Variants in PRKN observed in about 807,000 individuals in gnomAD.
PRKN encodes parkin RBR E3 ubiquitin protein ligase.
PRKN carries 56 observed loss-of-function variants against 59.5 expected under a neutral mutation model. That is an observed-to-expected ratio of 0.94 (90% CI 0.76 to 1.18). PRKN has a LOEUF of 1.18. Among genes scored for constraint, PRKN ranks in the 50% most tolerant of loss-of-function variants. The pLI is 0.00. For synonymous variants in PRKN, 250 were observed against 222.1 expected, an observed-to-expected ratio of 1.13 and a Z score of -1.12; for missense variants, 657 against 596.4, an observed-to-expected ratio of 1.10 and a Z score of -1.06.
At chr6:162,094,603 G>T (rs1425289204) in intron 4 of PRKN, among the ~76,000 whole-genome samples, 1 of 152,102 alleles carries the variant, frequency 6.6e-6, no homozygotes, top group Non-Finnish European at 1.5e-5. Flanking sequence ...GAAGGACTTT[G>T]AATGTTTCTC....
At chr6:161,540,054 G>GAT (rs1315542793) in intron 9 of PRKN, among the ~76,000 whole-genome samples, 2 of 152,126 alleles carry the variant, frequency 1.3e-5, no homozygotes, top group Non-Finnish European at 2.9e-5. Flanking sequence ...GGGTTGGGGA[G>GAT]ATGCAAGCTG....
chr6:162,508,039 C>A (rs564003831), intron 1 of PRKN, among the ~76,000 whole-genome samples: 22 of 152,260 alleles, frequency 1.4e-4, no homozygotes, highest in African/African-American at 5.3e-4. Flanking sequence ...CAAGACTGGG[C>A]AATTTACAAA....
rs79538086 is a variant in PRKN, at chr6:161,429,569, T to C, written c.1084-42692A>G. Among the ~76,000 whole-genome samples the C allele has an allele frequency of 5.9e-3, 900 of 152,254 alleles. 15 individuals carry two copies. In the East Asian group the frequency reaches 0.061, roughly 10 times the overall value. On this transcript the variant is annotated intron_variant, in intron 9 of 11. Coordinates refer to ENST00000366898, the MANE Select transcript of PRKN (RefSeq NM_004562.3). This position sits in a 1 kb window ranked among gnomAD's most constrained non-coding sequence, Gnocchi z 4.2. ...CCAGAGCTCAGAAAACATTCTGAGA[T>C]GGAACTAGAAGAACCTGGATGTGAA...
At chr6:161,735,522 A>C (rs1208544762) in intron 7 of PRKN, among the ~76,000 whole-genome samples, 1 of 152,176 alleles carries the variant, frequency 6.6e-6, no homozygotes, top group Non-Finnish European at 1.5e-5. Context: ...TTAGTTGTTA[A>C]GTTTTTTGGA....
At chr6:161,425,009 TTAAG>T (rs1379562497) in intron 9 of PRKN, among the ~76,000 whole-genome samples, 2 of 152,186 alleles carry the variant, frequency 1.3e-5, no homozygotes, top group East Asian at 3.9e-4. Flanking sequence ...TAGGCCCACA[TTAAG>T]TAAGTGATGC....
intron 4 of PRKN, among the ~76,000 whole-genome samples, chr6:162,175,392 C>T (rs998371901): frequency 5.3e-5 from 8 of 152,184 alleles, no homozygotes; most frequent in African/African-American, 1.7e-4. Flanking sequence ...AACACTGGTC[C>T]GGTACATAGC....
chr6:162,099,543 A>C (rs1286793550), intron 4 of PRKN, among the ~76,000 whole-genome samples: 5 of 152,310 alleles, frequency 3.3e-5, no homozygotes, highest in East Asian at 1.9e-4. Flanking sequence ...TAAAAGAGGC[A>C]ACAGGATAAT....
At chr6:162,244,971 G>C (rs533685220) in intron 3 of PRKN, among the ~76,000 whole-genome samples, 1 of 152,072 alleles carries the variant, frequency 6.6e-6, no homozygotes, top group East Asian at 1.9e-4. Flanking sequence ...CAAACTGTTA[G>C]AAGAAAGGGA....
chr6:161,978,865 G>A (rs894044670), intron 5 of PRKN, among the ~76,000 whole-genome samples: 1 of 152,238 alleles, frequency 6.6e-6, no homozygotes. Context: ...GGGAAGCAGA[G>A]TATTCTGGGG....
Position 162,169,939 on chromosome 6 carries a change from C to T in PRKN, c.534+31192G>A, listed in dbSNP as rs556300556. Among the ~76,000 whole-genome samples the T allele has an allele frequency of 2.6e-5, 4 of 152,176 alleles. No homozygotes were observed. The South Asian group carries it at 8.3e-4, about 32-fold the overall frequency. On this transcript the variant is annotated intron_variant, in intron 4 of 11. Transcript: ENST00000366898. The stretch of plus-strand genomic sequence containing the variant: ...ATTCTGATACTAGAGAGCAGTTAAA[C>T]GTGATGGGGGAAGAAAGCGACGATC...
chr6:161,962,875 T>C (rs1024066152), intron 6 of PRKN, among the ~76,000 whole-genome samples: 3 of 151,602 alleles, frequency 2.0e-5, no homozygotes, highest in Non-Finnish European at 4.4e-5. Context: ...CCAGGCATGG[T>C]GGCTCACACC....
At chr6:161,809,879 C>T (rs964374138) in intron 6 of PRKN, among the ~76,000 whole-genome samples, 4 of 152,130 alleles carry the variant, frequency 2.6e-5, no homozygotes, top group African/African-American at 4.8e-5. Context: ...AACAAGTGTG[C>T]CTGTTTCTGC....
chr6:162,458,993 G>C (rs1562780622), intron 1 of PRKN, among the ~76,000 whole-genome samples: 1 of 151,826 alleles, frequency 6.6e-6, no homozygotes, highest in African/African-American at 2.4e-5. Context: ...GCTAATTTTT[G>C]TTTTTTTAGT....
intron 7 of PRKN, among the ~76,000 whole-genome samples, chr6:161,609,680 C>G (rs1459118560): frequency 1.3e-5 from 2 of 152,076 alleles, no homozygotes; most frequent in Non-Finnish European, 2.9e-5. Flanking sequence ...CCTATTCCAC[C>G]AAAACCAAAA....
chr6:162,192,192 A>G (rs1368269710), intron 4 of PRKN, among the ~76,000 whole-genome samples: 4 of 152,180 alleles, frequency 2.6e-5, no homozygotes, highest in African/African-American at 4.8e-5. Flanking sequence ...ATAAGATTGT[A>G]GATCACTTAA....
At chr6:162,212,757 A>G (rs753757348) in intron 3 of PRKN, among the ~76,000 whole-genome samples, 2 of 152,216 alleles carry the variant, frequency 1.3e-5, no homozygotes, top group Non-Finnish European at 2.9e-5. Context: ...CCTAGTACAC[A>G]GCTGGGCCCT....
chr6:162,026,177 T>C (rs1783427633), intron 5 of PRKN, among the ~76,000 whole-genome samples: 1 of 152,202 alleles, frequency 6.6e-6, no homozygotes, highest in Non-Finnish European at 1.5e-5. Flanking sequence ...TGTAACTTTG[T>C]GGACTATCAC....
intron 3 of PRKN, among the ~76,000 whole-genome samples, chr6:162,219,165 TG>T (rs1239949777): frequency 2.0e-5 from 3 of 152,150 alleles, no homozygotes; most frequent in Non-Finnish European, 4.4e-5. Context: ...TACTCCAGCC[TG>T]GGTAACAGAG....
At chr6:162,617,149 T>A (rs945838654) in intron 1 of PRKN, among the ~76,000 whole-genome samples, 3 of 152,174 alleles carry the variant, frequency 2.0e-5, no homozygotes, top group South Asian at 4.1e-4. Context: ...AGCATATGCA[T>A]CACCTCACCC....
Sources: allele counts gnomAD v4.1 joint callset (sites outside exome capture counted in the v4.1 genomes callset), GRCh38; gene constraint gnomAD v4.1.1; non-coding constraint Gnocchi (gnomAD v3.1); transcripts MANE v1.5; gene names NCBI Gene and HGNC (gene_info 2026-07-23, HGNC 2026-07-21).